PTBP3: variants seen among roughly 807,000 people sequenced by gnomAD.
The protein encoded by PTBP3 is polypyrimidine tract-binding protein 3.
A neutral mutation model predicts 58.7 loss-of-function variants in PTBP3; 20 were observed. That is an observed-to-expected ratio of 0.34 (90% CI 0.24 to 0.50). PTBP3 has a LOEUF of 0.50. PTBP3 is among the 20% of genes least tolerant of loss of function. The pLI is 0.98. For synonymous variants in PTBP3, 185 were observed against 219.8 expected (o/e 0.84, Z 1.40); for missense variants, 509 against 637.2 (o/e 0.80, Z 2.17).
At chr9:112,232,426 G>A (rs1330074608) in intron 8 of PTBP3, among the ~76,000 whole-genome samples, 188 bp from the exon 9 acceptor site, 3 of 152,120 alleles carry the variant, frequency 2.0e-5, no homozygotes, top group Non-Finnish European at 4.4e-5. Context: ...CTCATCTATT[G>A]ACATTACTAT....
intron 2 of PTBP3, among the ~76,000 whole-genome samples, chr9:112,290,777 A>G (rs1463975257): frequency 6.6e-6 from 1 of 151,582 alleles, no homozygotes; most frequent in Non-Finnish European, 1.5e-5. Context: ...CTAAACTGAC[A>G]TATTTCTGGT....
the PTBP3 span, among the ~76,000 whole-genome samples, chr9:112,361,253 T>C: frequency 6.6e-5 from 10 of 152,110 alleles, no homozygotes; most frequent in East Asian, 1.9e-3. Flanking sequence ...TCCACCACCA[T>C]ACCTGGATAA....
chr9:112,219,376 A>C lies in PTBP3; in HGVS notation c.*4475T>G, dbSNP rs1248399967. 6.6e-6 allele frequency: 1 copy of C among 152,418 alleles called. No homozygotes were observed. Among genetic ancestry groups the C allele is most frequent in the African/African-American group, 2.4e-5 (1 of 41,456 alleles). The allele number at this position is 152,418 out of a possible 1,614,324, so 9.4% of individuals were successfully genotyped here. A position where few individuals can be genotyped will look rare whatever the true frequency, so the allele number is the denominator to read the frequency against. On this transcript the variant is annotated 3_prime_UTR_variant, in exon 14 of 14. Transcript: ENST00000374257. ...ATTTGTTATTACAACTACTACATAGATCCAAGAAGTGAAAATAATACAACA... is the reference window on the plus strand; with the variant it reads ...ATTTGTTATTACAACTACTACATAGCTCCAAGAAGTGAAAATAATACAACA...
the PTBP3 span, among the ~76,000 whole-genome samples, chr9:112,375,356 T>C: frequency 6.6e-6 from 1 of 152,248 alleles, no homozygotes; most frequent in Non-Finnish European, 1.5e-5. Context: ...TCTCCTTCCA[T>C]GCAAAGTGCA....
intron 1 of PTBP3, chr9:112,330,529 T>C: frequency 1.6e-6 from 2 of 1,244,938 alleles, no homozygotes; most frequent in Non-Finnish European, 2.3e-6. Context: ...GAACAAGTTT[T>C]TAAAAGACAG....
At chr9:112,350,821 C>T in the PTBP3 span, among the ~76,000 whole-genome samples, 8 of 152,142 alleles carry the variant, frequency 5.3e-5, no homozygotes, top group Admixed American at 1.3e-4. Flanking sequence ...TTTCCTAAGA[C>T]GAAGTCTCAC....
Position 112,220,666 on chromosome 9 carries a change from T to C in PTBP3, c.*3185A>G. The C allele has an allele frequency of 1.0e-6, 1 of 986,822 alleles. No homozygotes were observed. Among genetic ancestry groups the C allele is most frequent in the Non-Finnish European group, 1.2e-6 (1 of 830,652 alleles). The allele number at this position is 986,822 out of a possible 1,614,324, so 61.1% of individuals were successfully genotyped here. On this transcript the variant is annotated 3_prime_UTR_variant, in exon 14 of 14. Coordinates refer to ENST00000374257, the MANE Select transcript of PTBP3 (RefSeq NM_001163788.4). ...TAATTCTGATACTCTCCAGTAAGTA[T>C]CAATTAAGATACTGGGTCATTTTTC... is the stretch of plus-strand genomic sequence containing the variant.
At chr9:112,360,586 A>C in the PTBP3 span, among the ~76,000 whole-genome samples, 1 of 152,180 alleles carries the variant, frequency 6.6e-6, no homozygotes, top group African/African-American at 2.4e-5. Flanking sequence ...AAGCCATTGA[A>C]ATCATCTGCT....
At chr9:112,336,282 G>C (rs1480053525), upstream of PTBP3, among the ~76,000 whole-genome samples, 1 of 152,126 alleles carries the variant, frequency 6.6e-6, no homozygotes, top group Non-Finnish European at 1.5e-5. Flanking sequence ...GAATGTATGA[G>C]TATCTTTGCA....
chr9:112,292,335 A>T (rs1329345574), intron 2 of PTBP3, among the ~76,000 whole-genome samples: 1 of 152,224 alleles, frequency 6.6e-6, no homozygotes, highest in East Asian at 1.9e-4. Flanking sequence ...ACTGGTGGGA[A>T]TAATGGTGCA....
rs546450142 is a variant in PTBP3, at chr9:112,251,156, C to T, written c.628-53G>A. On this transcript the variant is annotated intron_variant, in intron 6 of 13. Transcript: ENST00000374257. ...TTGGCAAGACAACAACACTGATAAC[C>T]AAGAAGCCTCTACTTTGACAAAGAG... The T allele has an allele frequency of 8.2e-5, 110 of 1,341,702 alleles. 1 individual carries two copies. The South Asian group carries it at 2.1e-3, about 25-fold the overall frequency. 83.1% of individuals were successfully genotyped at this position (1,341,702 alleles called of 1,614,324 possible). A position where few individuals can be genotyped will look rare whatever the true frequency, so the allele number is the denominator to read the frequency against.
At chr9:112,356,874 C>CAT in the PTBP3 span, among the ~76,000 whole-genome samples, 1 of 91,526 alleles carries the variant, frequency 1.1e-5, no homozygotes, top group African/African-American at 4.4e-5. Context: ...TCATTTCCCT[C>CAT]TTTTTTTTTT....
chr9:112,348,901 G>A, the PTBP3 span, among the ~76,000 whole-genome samples: 1 of 152,160 alleles, frequency 6.6e-6, no homozygotes, highest in Non-Finnish European at 1.5e-5. Flanking sequence ...CCACTCACGG[G>A]TTGAGAATAT....
chr9:112,327,599 G>C (rs1224655847), intron 1 of PTBP3, among the ~76,000 whole-genome samples: 1 of 152,078 alleles, frequency 6.6e-6, no homozygotes, highest in Non-Finnish European at 1.5e-5. Context: ...AATTTTTCAT[G>C]AAAGTAGTAT....
intron 4 of PTBP3, among the ~76,000 whole-genome samples, chr9:112,266,846 G>A (rs966824199): frequency 1.3e-5 from 2 of 152,118 alleles, no homozygotes; most frequent in Non-Finnish European, 2.9e-5. Context: ...TTTCTTGATT[G>A]AATGGTGTAC....
intron 2 of PTBP3, among the ~76,000 whole-genome samples, chr9:112,281,800 G>A (rs1827879555): frequency 6.6e-6 from 1 of 152,160 alleles, no homozygotes; most frequent in Admixed American, 6.5e-5. Context: ...CACTTCATCT[G>A]AAGTGTCAAA....
the PTBP3 span, among the ~76,000 whole-genome samples, chr9:112,366,589 G>T: frequency 6.6e-6 from 1 of 152,058 alleles, no homozygotes; most frequent in South Asian, 2.1e-4. Context: ...GTTCACAGAA[G>T]ATTTGGGGTT....
Position 112,223,741 on chromosome 9 carries a change from C to CAGGA in PTBP3, c.*109_*110insTCCT. On this transcript the variant is annotated 3_prime_UTR_variant, in exon 14 of 14. Coordinates refer to ENST00000374257, the MANE Select transcript of PTBP3 (RefSeq NM_001163788.4). ...TTAAAATATACTTGAATATCAAACT[C>CAGGA]AGAGTTATTTTTGTGAAAGAGGCAA... The CAGGA allele has an allele frequency of 1.3e-6, 2 of 1,490,080 alleles. No homozygotes were observed. Among genetic ancestry groups the CAGGA allele is most frequent in the Non-Finnish European group, 1.8e-6 (2 of 1,119,618 alleles). The allele number at this position is 1,490,080 out of a possible 1,614,324, so 92.3% of individuals were successfully genotyped here.
At chr9:112,256,294 C>CATATATATATATATAT (rs370450580) in intron 5 of PTBP3, among the ~76,000 whole-genome samples, 1 of 59,004 alleles carries the variant, frequency 1.7e-5, no homozygotes, top group Non-Finnish European at 2.9e-5. Context: ...TATATATATA[C>CATATATATATATATAT]ATATATATAT....
Sources: allele counts gnomAD v4.1 joint callset (sites outside exome capture counted in the v4.1 genomes callset), GRCh38; gene constraint gnomAD v4.1.1; transcripts MANE v1.5; gene names NCBI Gene and HGNC (gene_info 2026-07-23, HGNC 2026-07-21).